CFAP99: variants seen among roughly 807,000 people sequenced by gnomAD.
CFAP99 encodes the protein cilia and flagella associated protein 99, also known as cilia- and flagella-associated protein 99.
In CFAP99, 84 loss-of-function variants were observed where a neutral mutation model predicts 82.7. The observed-to-expected ratio is 1.02, with a 90% CI of 0.85 to 1.22. The LOEUF is 1.22. Ranked by LOEUF, CFAP99 falls within the 50% of genes most tolerant of loss-of-function variation. The pLI, the probability that CFAP99 is intolerant of heterozygous loss-of-function variation, is 0.00. For missense variants in CFAP99, 1,059 were observed against 983.5 expected (o/e 1.08, Z -1.03); for synonymous variants, 456 against 429.5 (o/e 1.06, Z -0.76).
At chr4:2,426,313 C>T (rs1385624243) in intron 1 of CFAP99, 146 bp from the exon 2 acceptor site, 2 of 459,310 alleles carry the variant, frequency 4.4e-6, no homozygotes, top group Non-Finnish European at 7.9e-6. Flanking sequence ...TGCTGTAGGC[C>T]CGGCACCCTA....
intron 11 of CFAP99, among the ~76,000 whole-genome samples, chr4:2,454,594 G>C (rs11737065): frequency 1.9e-4 from 16 of 84,520 alleles, no homozygotes; most frequent in South Asian, 3.8e-4. Context: ...TTTTTTTTTT[G>C]TTTTTTTTTT....
intron 4 of CFAP99, among the ~76,000 whole-genome samples, chr4:2,442,420 A>G (rs1734064135): frequency 6.6e-6 from 1 of 151,976 alleles, no homozygotes; most frequent in Non-Finnish European, 1.5e-5. Context: ...GGAGAAGAGA[A>G]GGGCGTGGAG....
rs1421004087 is a variant in CFAP99 at position 2,443,117 on chromosome 4, C to T, written c.352-13C>T. 1 of 1,462,534 alleles carries T rather than the reference C, an allele frequency of 6.8e-7. No individual in the cohort carries two copies. Among genetic ancestry groups the T allele is most frequent in the East Asian group, 2.5e-5 (1 of 40,562 alleles). The allele number at this position is 1,462,534 out of a possible 1,614,324, so 90.6% of individuals were successfully genotyped here. A position where few individuals can be genotyped will look rare whatever the true frequency, so the allele number is the denominator to read the frequency against. On this transcript the variant is annotated splice_polypyrimidine_tract_variant and intron_variant, in intron 4 of 14. Transcript: ENST00000635017. ...CAGGGCTCCGGCCCCCTGACAGCCC[C>T]CGTCCACCCCAGTTCCTCAGGTTCT... is the stretch of plus-strand genomic sequence containing the variant.
intron 6 of CFAP99, among the ~76,000 whole-genome samples, chr4:2,449,265 C>G (rs552198113): frequency 1.3e-5 from 2 of 152,064 alleles, no homozygotes; most frequent in East Asian, 1.9e-4. Context: ...TGCAGGGGTC[C>G]GTGATATTCT....
intron 2 of CFAP99, among the ~76,000 whole-genome samples, chr4:2,429,623 A>G (rs1229603390): frequency 5.5e-5 from 8 of 144,424 alleles, no homozygotes; most frequent in Non-Finnish European, 7.5e-5. Flanking sequence ...ACAGAGTCTC[A>G]CTCTGTCACC....
At chr4:2,438,158 G>A (rs1233704465) in exon 4 of CFAP99, 2 of 1,534,310 alleles carry the variant, frequency 1.3e-6, no homozygotes, top group Admixed American at 2.0e-5. Flanking sequence ...TGGATAAGAT[G>A]TGCAAGGTGA....
chr4:2,454,594 G>GTTTTTGT (rs1734383408), intron 11 of CFAP99, among the ~76,000 whole-genome samples: 1 of 84,538 alleles, frequency 1.2e-5, no homozygotes, highest in Non-Finnish European at 2.5e-5. Context: ...TTTTTTTTTT[G>GTTTTTGT]TTTTTTTTTT....
At chr4:2,439,868 G>C (rs1733994803) in intron 4 of CFAP99, among the ~76,000 whole-genome samples, 1 of 151,888 alleles carries the variant, frequency 6.6e-6, no homozygotes, top group African/African-American at 2.4e-5. Context: ...TTTTAAGACG[G>C]GGTCTCGCTC....
intron 2 of CFAP99, among the ~76,000 whole-genome samples, chr4:2,433,786 G>A (rs1733849781): frequency 6.6e-6 from 1 of 152,236 alleles, no homozygotes; most frequent in South Asian, 2.1e-4. Context: ...GCCGTGGGGC[G>A]AGTATGCCGG....
intron 6 of CFAP99, among the ~76,000 whole-genome samples, chr4:2,445,852 CCA>C (rs1256477432): frequency 6.6e-6 from 1 of 152,168 alleles, no homozygotes; most frequent in African/African-American, 2.4e-5. Flanking sequence ...GCATACGTGA[CCA>C]GGGTTCCAGC....
At position 2,462,712 on chromosome 4, in the gene CFAP99, G is replaced by A. The variant is rs1034320390; in HGVS notation, c.1931G>A (p.Gly644Glu). 1.6e-6 allele frequency: 2 copies of A among 1,250,464 alleles called. No individual in the cohort carries two copies. Among genetic ancestry groups the A allele is most frequent in the African/African-American group, 1.6e-5 (1 of 63,502 alleles). 77.5% of individuals were successfully genotyped at this position (1,250,464 alleles called of 1,614,324 possible). A position where few individuals can be genotyped will look rare whatever the true frequency, so the allele number is the denominator to read the frequency against. ...GGCGTCCCGGGGCGGGGATGGCGGGGAGATCGGGTCCGGTCCGCGGCCGGG... is the reference window on the plus strand; with the variant it reads ...GGCGTCCCGGGGCGGGGATGGCGGGAAGATCGGGTCCGGTCCGCGGCCGGG... Residue 644 changes from glycine (G) to glutamate (E), a missense_variant, in exon 15 of 15, where the codon GGA (glycine) becomes GAA (glutamate). Coordinates refer to ENST00000635017, the Ensembl canonical transcript of CFAP99. This position sits in a 1 kb window ranked among gnomAD's most constrained non-coding sequence, Gnocchi z 4.1.
exon 6 of CFAP99, chr4:2,445,162 C>A: frequency 7.1e-7 from 1 of 1,405,108 alleles, no homozygotes; most frequent in Non-Finnish European, 9.2e-7. Flanking sequence ...GCTGATCAAC[C>A]ACCTGGAGGG....
intron 1 of CFAP99, among the ~76,000 whole-genome samples, chr4:2,426,010 T>A (rs1294128371): frequency 6.6e-6 from 1 of 152,154 alleles, no homozygotes; most frequent in Non-Finnish European, 1.5e-5. Flanking sequence ...CAGGGCCTGA[T>A]GAAGAAACCG....
In CFAP99 at chr4:2,462,522, A is replaced by C; in HGVS notation, c.1741A>C (p.Ile581Leu). Residue 581 changes from isoleucine to leucine, a missense_variant, in exon 15 of 15, where the codon ATC becomes CTC. Coordinates refer to ENST00000635017, the Ensembl canonical transcript of CFAP99. This position sits in a 1 kb window ranked among gnomAD's most constrained non-coding sequence, Gnocchi z 4.1. ...GCGCGTGCAGCAGCTGCGGCGCAGG[A>C]TCTCGGAGAGGGCGGCCGAGCGCAG... is the stretch of plus-strand genomic sequence containing the variant. The C allele has an allele frequency of 6.8e-7, 1 of 1,475,496 alleles. No homozygotes were observed. Among genetic ancestry groups the C allele is most frequent in the Non-Finnish European group, 8.9e-7 (1 of 1,121,730 alleles). The allele number at this position is 1,475,496 out of a possible 1,614,324, so 91.4% of individuals were successfully genotyped here.
At position 2,462,931 on chromosome 4, in the gene CFAP99, G is replaced by T. The variant is rs1734668898; in HGVS notation, c.*5G>T. 1 of 1,282,552 alleles carries T rather than the reference G, an allele frequency of 7.8e-7. No homozygotes were observed. Among genetic ancestry groups the T allele is most frequent in the Non-Finnish European group, 9.8e-7 (1 of 1,019,466 alleles). The allele number at this position is 1,282,552 out of a possible 1,614,324, so 79.4% of individuals were successfully genotyped here. A position where few individuals can be genotyped will look rare whatever the true frequency, so the allele number is the denominator to read the frequency against. The stretch of plus-strand genomic sequence containing the variant: ...CGCCGCCTGGAGGCCGCCTGAGCCG[G>T]GCCGAGCGCGCCCCACCCGCTTGCG... On this transcript the variant is annotated 3_prime_UTR_variant, in exon 15 of 15. Transcript: ENST00000635017. The surrounding 1 kb of genome is among the most constrained non-coding windows in gnomAD (Gnocchi z 4.1).
intron 2 of CFAP99, among the ~76,000 whole-genome samples, chr4:2,430,601 G>A (rs1347604886): frequency 3.9e-5 from 6 of 152,202 alleles, no homozygotes; most frequent in Admixed American, 3.9e-4. Flanking sequence ...AGCAGACTGC[G>A]GTGAAAGGCA....
chr4:2,438,018 G>C lies in CFAP99; in HGVS notation c.257-52G>C, dbSNP rs28439780. The C allele has an allele frequency of 0.014, 15,273 of 1,104,194 alleles. 896 individuals are homozygous for C. In the African/African-American group the frequency reaches 0.19, roughly 14 times the overall value. 68.4% of individuals were successfully genotyped at this position (1,104,194 alleles called of 1,614,324 possible). A position where few individuals can be genotyped will look rare whatever the true frequency, so the allele number is the denominator to read the frequency against. ...GCCTTCGGCTCCGGTCCCGCCGTGT[G>C]CCTGGTGCCCCGTGACGTCCCTTAG... is the stretch of plus-strand genomic sequence containing the variant. On this transcript the variant is annotated intron_variant, in intron 3 of 14. Transcript: ENST00000635017.
At position 2,462,603 on chromosome 4, in the gene CFAP99, C is replaced by T. The variant is rs1275628763; in HGVS notation, c.1822C>T (p.Arg608Trp). The change falls in exon 15 of 15, where the codon CGG (arginine) becomes TGG (tryptophan). Residue 608 changes from arginine to tryptophan, a missense_variant. Coordinates refer to ENST00000635017, the Ensembl canonical transcript of CFAP99. This position sits in a 1 kb window ranked among gnomAD's most constrained non-coding sequence, Gnocchi z 4.1. ...GCCGCGGACCGCGCGCCCCAAGCCC[C>T]GGGTGAGTCCGGATTGGTGGGAGGA... 2 of 1,405,878 alleles carry T rather than the reference C, an allele frequency of 1.4e-6. No individual in the cohort carries two copies. Among genetic ancestry groups the T allele is most frequent in the East Asian group, 3.1e-5 (1 of 31,960 alleles). 87.1% of individuals were successfully genotyped at this position (1,405,878 alleles called of 1,614,324 possible).
chr4:2,451,253 C>T lies in CFAP99; in HGVS notation c.868-11C>T, dbSNP rs1214323265. Reference sequence around the variant, plus strand: ...TCAAGCCCCCACCACAGCCAGTCCCCAATCCCGCAGCCTGACAACATCCTG... The same window carrying T: ...TCAAGCCCCCACCACAGCCAGTCCCTAATCCCGCAGCCTGACAACATCCTG... On this transcript the variant is annotated splice_polypyrimidine_tract_variant and intron_variant, in intron 9 of 14. Transcript: ENST00000635017. 6.5e-7 allele frequency: 1 copy of T among 1,536,004 alleles called. No individual in the cohort carries two copies. The highest frequency in any genetic ancestry group is 8.7e-7 in the Non-Finnish European group (1 of 1,146,840).
Sources: gnomAD v4.1 joint callset for allele counts (sites outside exome capture counted in the v4.1 genomes callset) on GRCh38, gnomAD v4.1.1 for gene constraint, Gnocchi (gnomAD v3.1) non-coding constraint, MANE v1.5 for transcripts, NCBI Gene and HGNC (gene_info 2026-07-23, HGNC 2026-07-21) for gene names.